Variants in VTI1A observed in about 807,000 individuals in gnomAD.
VTI1A encodes vesicle transport through interaction with t-SNAREs homolog 1A.
A neutral mutation model predicts 34.9 loss-of-function variants in VTI1A; 22 were observed. The observed-to-expected ratio is 0.63, with a 90% CI of 0.45 to 0.90. The LOEUF (loss-of-function observed/expected upper bound fraction) is 0.90, where lower values mean the gene tolerates loss of function less well. Among genes scored for constraint, VTI1A ranks in the 40% least tolerant of loss-of-function variants. The pLI is 0.00. For synonymous variants in VTI1A, 87 were observed against 97.3 expected (o/e 0.89, Z 0.62); for missense variants, 268 against 275.6 (o/e 0.97, Z 0.20).
In VTI1A at chr10:112,817,881, G is replaced by A. The variant is rs1853570225; in HGVS notation, c.*2498G>A. On this transcript the variant is annotated 3_prime_UTR_variant, in exon 8 of 8. Transcript: ENST00000393077. ...GGGGGGAAGATGAAGGCATGGAGGA[G>A]GAAGAAGAGAAGGAAGCCCTTGCCA... The A allele has an allele frequency of 8.6e-6, 2 of 233,218 alleles. No homozygotes were observed. The highest frequency in any genetic ancestry group is 4.4e-5 in the African/African-American group (2 of 45,334). The allele number at this position is 233,218 out of a possible 1,614,324, so 14.4% of individuals were successfully genotyped here.
At chr10:112,534,789 T>A (rs1850564257) in intron 4 of VTI1A, among the ~76,000 whole-genome samples, 1 of 152,158 alleles carries the variant, frequency 6.6e-6, no homozygotes, top group Non-Finnish European at 1.5e-5. Context: ...AGGGATAACA[T>A]AAATATTATT....
At chr10:112,621,732 A>G (rs1002730374) in intron 5 of VTI1A, among the ~76,000 whole-genome samples, 2 of 152,200 alleles carry the variant, frequency 1.3e-5, no homozygotes, top group African/African-American at 2.4e-5. Flanking sequence ...TTTTCCAGTC[A>G]TAGCATGTAG....
chr10:112,782,455 C>T (rs1336492150), intron 7 of VTI1A, among the ~76,000 whole-genome samples: 3 of 152,250 alleles, frequency 2.0e-5, no homozygotes, highest in East Asian at 1.9e-4. Flanking sequence ...AGGACCTTAG[C>T]GTTTCCAAGG....
chr10:112,616,665 G>A (rs979246326), intron 5 of VTI1A, among the ~76,000 whole-genome samples: 10 of 152,026 alleles, frequency 6.6e-5, no homozygotes, highest in African/African-American at 2.4e-4. Flanking sequence ...AATAAGAATT[G>A]TATATAATAT....
At chr10:112,768,188 G>A (rs528905975) in intron 7 of VTI1A, among the ~76,000 whole-genome samples, 2 of 152,200 alleles carry the variant, frequency 1.3e-5, no homozygotes, top group East Asian at 3.8e-4. Context: ...ATTGCATGAC[G>A]AGTGTGAGGA....
chr10:112,498,481 A>G (rs1044850414), intron 3 of VTI1A, among the ~76,000 whole-genome samples: 5 of 152,072 alleles, frequency 3.3e-5, no homozygotes, highest in Non-Finnish European at 7.4e-5. Flanking sequence ...AATGAGCTCA[A>G]TGGGATTTCC....
At chr10:112,758,496 A>G (rs1177245438) in intron 7 of VTI1A, among the ~76,000 whole-genome samples, 1 of 152,166 alleles carries the variant, frequency 6.6e-6, no homozygotes, top group Non-Finnish European at 1.5e-5. Flanking sequence ...AGGAATCTAC[A>G]TTTTTAAATG....
the VTI1A span, among the ~76,000 whole-genome samples, chr10:112,838,035 T>A: frequency 6.6e-6 from 1 of 152,210 alleles, no homozygotes; most frequent in Non-Finnish European, 1.5e-5. Context: ...GCCAGGATGC[T>A]GAAGTCATGG....
intron 7 of VTI1A, among the ~76,000 whole-genome samples, chr10:112,781,805 A>G (rs1852136359): frequency 6.6e-6 from 1 of 152,154 alleles, no homozygotes; most frequent in African/African-American, 2.4e-5. Flanking sequence ...CAGTGAGCCA[A>G]GACTGCACCA....
the VTI1A span, among the ~76,000 whole-genome samples, chr10:112,854,360 A>G: frequency 0.012 from 1,867 of 152,316 alleles, 27 homozygotes; most frequent in South Asian, 0.029. Context: ...AAGAAACTTG[A>G]TCAAGACCAC....
At chr10:112,802,506 A>G (rs1852909486) in intron 7 of VTI1A, among the ~76,000 whole-genome samples, 1 of 152,204 alleles carries the variant, frequency 6.6e-6, no homozygotes, top group African/African-American at 2.4e-5. Context: ...GTTCAGGCAC[A>G]GTGTATAAAA....
chr10:112,718,560 C>A (rs1396983041), intron 7 of VTI1A, among the ~76,000 whole-genome samples: 1 of 152,224 alleles, frequency 6.6e-6, no homozygotes, highest in East Asian at 1.9e-4. Flanking sequence ...CATTTGTTAT[C>A]AAAAATATAG....
At chr10:112,473,231 C>G (rs1848161009) in intron 3 of VTI1A, among the ~76,000 whole-genome samples, 1 of 151,744 alleles carries the variant, frequency 6.6e-6, no homozygotes, top group East Asian at 1.9e-4. Flanking sequence ...GCCTCAGCCT[C>G]CCGAGTAGCT....
chr10:112,619,539 G>T (rs931101960), intron 5 of VTI1A, among the ~76,000 whole-genome samples: 2 of 152,174 alleles, frequency 1.3e-5, no homozygotes, highest in African/African-American at 2.4e-5. Flanking sequence ...GACAGGGCTG[G>T]CCTGGGGCTT....
chr10:112,742,887 T>C (rs188270215), intron 7 of VTI1A, among the ~76,000 whole-genome samples: 1 of 152,276 alleles, frequency 6.6e-6, no homozygotes, highest in Non-Finnish European at 1.5e-5. Flanking sequence ...ATCAAAATGC[T>C]CTTAAGGAAA....
At chr10:112,693,258 C>A (rs766450070) in intron 7 of VTI1A, among the ~76,000 whole-genome samples, 23 of 152,104 alleles carry the variant, frequency 1.5e-4, no homozygotes, top group Admixed American at 2.6e-4. Context: ...TTAAAAATAA[C>A]TTAACTGGCG....
chr10:112,814,133 A>G (rs1590210107), intron 7 of VTI1A, among the ~76,000 whole-genome samples: 1 of 152,240 alleles, frequency 6.6e-6, no homozygotes, highest in African/African-American at 2.4e-5. Context: ...CCCTGCAAAG[A>G]TTTTTTTGTG....
At chr10:112,745,506 G>A (rs1850864898) in intron 7 of VTI1A, among the ~76,000 whole-genome samples, 1 of 152,028 alleles carries the variant, frequency 6.6e-6, no homozygotes, top group Non-Finnish European at 1.5e-5. Context: ...TTGTGTCCCA[G>A]TACTCCATGA....
chr10:112,827,097 G>A, the VTI1A span: 1 of 152,116 alleles, frequency 6.6e-6, no homozygotes, highest in African/African-American at 2.4e-5. Flanking sequence ...ATTTCATTTT[G>A]AGTCATGTCT....
Sources: gnomAD v4.1 joint callset for allele counts (sites outside exome capture counted in the v4.1 genomes callset) on GRCh38, gnomAD v4.1.1 for gene constraint, MANE v1.5 for transcripts, NCBI Gene and HGNC (gene_info 2026-07-23, HGNC 2026-07-21) for gene names.